Variants in UBAC2 observed in about 807,000 individuals in gnomAD.
UBAC2 encodes the protein ubiquitin-associated domain-containing protein 2.
In UBAC2, 26 loss-of-function variants were observed where a neutral mutation model predicts 44.0. The observed-to-expected ratio is 0.59, with a 90% confidence interval of 0.43 to 0.82. The LOEUF is 0.82. UBAC2 is among the 40% of genes least tolerant of loss of function. UBAC2 has a pLI of 0.00. For synonymous variants in UBAC2, 155 were observed against 154.3 expected (o/e 1.00, Z -0.04); for missense variants, 329 against 419.4 (o/e 0.78, Z 1.88).
chr13:99,352,479 G>C (rs1192198612), intron 7 of UBAC2, among the ~76,000 whole-genome samples: 1 of 152,182 alleles, frequency 6.6e-6, no homozygotes, highest in Non-Finnish European at 1.5e-5. Context: ...CGTTTCTGAG[G>C]TTGACGCATG....
intron 1 of UBAC2, among the ~76,000 whole-genome samples, chr13:99,221,814 TC>T (rs1203105720): frequency 1.3e-5 from 2 of 152,150 alleles, no homozygotes; most frequent in African/African-American, 4.8e-5. Flanking sequence ...TTTGGACTCT[TC>T]CTCTGTTTCG....
chr13:99,228,033 C>T (rs1369688651), intron 1 of UBAC2, among the ~76,000 whole-genome samples: 1 of 152,176 alleles, frequency 6.6e-6, no homozygotes, highest in Non-Finnish European at 1.5e-5. Flanking sequence ...TCTTGTAGCT[C>T]AGATGGGTGA....
chr13:99,239,583 G>A (rs1275514962), intron 2 of UBAC2, among the ~76,000 whole-genome samples: 3 of 152,308 alleles, frequency 2.0e-5, no homozygotes, highest in East Asian at 1.9e-4. Flanking sequence ...AAGGGCCCCC[G>A]GGCCTTGGGT....
chr13:99,294,468 A>G (rs187195674), intron 4 of UBAC2: 3 of 152,460 alleles, frequency 2.0e-5, no homozygotes, highest in East Asian at 3.8e-4. Context: ...TTCAAAGTCT[A>G]TTGCCAATTA....
At chr13:99,369,056 T>G (rs1473730656) in intron 8 of UBAC2, among the ~76,000 whole-genome samples, 1 of 152,210 alleles carries the variant, frequency 6.6e-6, no homozygotes, top group East Asian at 1.9e-4. Flanking sequence ...ACATGCATTA[T>G]AATAGTAGAT....
intron 1 of UBAC2, among the ~76,000 whole-genome samples, chr13:99,234,167 G>GTT (rs1555321350): frequency 8.6e-6 from 1 of 116,956 alleles, no homozygotes; most frequent in Admixed American, 9.9e-5. Flanking sequence ...TGTGCTAGCC[G>GTT]TTTCTTTTTT....
rs527596201 is a variant in UBAC2, at chr13:99,241,882, C to T, written c.160-1950C>T. ...TGGTTTTCCTAGGCAGAGGACCCTG[C>T]GGCCTTCCGCAGTGTTTGTGTCCCT... On this transcript the variant is annotated intron_variant, in intron 2 of 8. Transcript: ENST00000403766. Among the ~76,000 whole-genome samples the T allele has an allele frequency of 2.7e-3, 406 of 148,338 alleles. 8 individuals carry two copies. In the South Asian group the frequency reaches 0.029, roughly 11 times the overall value.
intron 7 of UBAC2, among the ~76,000 whole-genome samples, chr13:99,341,951 T>C (rs2044896866): frequency 6.6e-6 from 1 of 152,070 alleles, no homozygotes; most frequent in Admixed American, 6.5e-5. Context: ...AAGAGCAGAT[T>C]TGGGGGAAAT....
intron 8 of UBAC2, among the ~76,000 whole-genome samples, chr13:99,372,957 T>A (rs1225649263): frequency 6.6e-6 from 1 of 151,428 alleles, no homozygotes; most frequent in Admixed American, 6.6e-5. Context: ...TACTAAAAAA[T>A]AAAAAAATAA....
intron 4 of UBAC2, among the ~76,000 whole-genome samples, chr13:99,301,951 C>T (rs997222838): frequency 3.3e-5 from 5 of 152,098 alleles, no homozygotes; most frequent in African/African-American, 1.2e-4. Flanking sequence ...TGAAAAGGGG[C>T]TTACCTAGGA....
At chr13:99,281,758 A>G (rs1033617404) in intron 4 of UBAC2, among the ~76,000 whole-genome samples, 3 of 152,200 alleles carry the variant, frequency 2.0e-5, no homozygotes, top group African/African-American at 7.2e-5. Context: ...GATTTTAGTA[A>G]TGTTTGAAGA....
chr13:99,258,951 A>G (rs182627642), intron 4 of UBAC2, among the ~76,000 whole-genome samples: 173 of 152,342 alleles, frequency 1.1e-3, no homozygotes, highest in African/African-American at 3.7e-3. Context: ...GCTTTGCCAC[A>G]TACATTTATC....
intron 7 of UBAC2, among the ~76,000 whole-genome samples, chr13:99,354,050 T>G (rs2045138056): frequency 6.6e-6 from 1 of 152,266 alleles, no homozygotes; most frequent in African/African-American, 2.4e-5. Context: ...ACACGTGCAG[T>G]GCCTGTTCAC....
At chr13:99,286,618 T>A (rs956990223) in intron 4 of UBAC2, among the ~76,000 whole-genome samples, 4 of 152,174 alleles carry the variant, frequency 2.6e-5, no homozygotes, top group African/African-American at 9.7e-5. Context: ...GTGACCATAG[T>A]ACCCCATATG....
chr13:99,292,530 C>T (rs1174234006), intron 4 of UBAC2, among the ~76,000 whole-genome samples: 12 of 152,126 alleles, frequency 7.9e-5, no homozygotes, highest in Non-Finnish European at 1.8e-4. Flanking sequence ...ACACTGTTTG[C>T]TCAACCTGTT....
intron 6 of UBAC2, among the ~76,000 whole-genome samples, chr13:99,336,568 A>G (rs534900086): frequency 4.3e-4 from 66 of 151,836 alleles, no homozygotes; most frequent in Admixed American, 1.3e-3. Flanking sequence ...TTCCCTCCCA[A>G]TTTACCCATG....
Position 99,265,058 on chromosome 13 carries a change from A to T in UBAC2, c.389+20434A>T, listed in dbSNP as rs761538552. Among the ~76,000 whole-genome samples, 10 of 151,818 alleles carry T rather than the reference A, an allele frequency of 6.6e-5. No individual in the cohort carries two copies. The South Asian group carries it at 1.0e-3, about 16-fold the overall frequency. On this transcript the variant is annotated intron_variant, in intron 4 of 8. Coordinates refer to ENST00000403766, the MANE Select transcript of UBAC2 (RefSeq NM_001144072.2). ...TAAGTCGACCTCTTGGAGACATTATAATCAACCTTTAGAGGAAGACGTGTT... is the reference window on the plus strand; with the variant it reads ...TAAGTCGACCTCTTGGAGACATTATTATCAACCTTTAGAGGAAGACGTGTT...
chr13:99,362,596 A>C (rs749127348), intron 7 of UBAC2, among the ~76,000 whole-genome samples: 7 of 152,226 alleles, frequency 4.6e-5, no homozygotes, highest in African/African-American at 4.8e-5. Flanking sequence ...TTTCCCTAAC[A>C]CTAGTGAGAT....
At chr13:99,232,397 G>GAGAGAT (rs1555321097) in intron 1 of UBAC2, among the ~76,000 whole-genome samples, 5 of 82,338 alleles carry the variant, frequency 6.1e-5, no homozygotes, top group Non-Finnish European at 9.1e-5. Flanking sequence ...CCTTAGTTGA[G>GAGAGAT]AGATATAGAT....
Sources: gnomAD v4.1 joint callset for allele counts (sites outside exome capture counted in the v4.1 genomes callset) on GRCh38, gnomAD v4.1.1 for gene constraint, MANE v1.5 for transcripts, NCBI Gene and HGNC (gene_info 2026-07-23, HGNC 2026-07-21) for gene names.